NKAIN2: variants seen among roughly 807,000 people sequenced by gnomAD.
NKAIN2 encodes sodium/potassium-transporting ATPase subunit beta-1-interacting protein 2.
NKAIN2 carries 14 observed loss-of-function variants against 32.6 expected under a neutral mutation model. That is an observed-to-expected ratio of 0.43 (90% CI 0.28 to 0.67). NKAIN2 has a LOEUF of 0.67. NKAIN2 is among the 30% of genes least tolerant of loss of function. NKAIN2 has a pLI of 0.17. For missense variants in NKAIN2, 198 were observed against 258.3 expected (o/e 0.77, Z 1.60); for synonymous variants, 80 against 87.2 (o/e 0.92, Z 0.46).
chr6:124,321,468 T>C (rs1797189184), intron 2 of NKAIN2, among the ~76,000 whole-genome samples: 1 of 152,132 alleles, frequency 6.6e-6, no homozygotes, highest in Admixed American at 6.6e-5. Context: ...TAAAGTATAA[T>C]AAAAATTAAA....
chr6:124,602,910 G>A (rs1024137358), intron 3 of NKAIN2, among the ~76,000 whole-genome samples: 1 of 151,788 alleles, frequency 6.6e-6, no homozygotes, highest in African/African-American at 2.4e-5. Context: ...GAAGATATTT[G>A]ATCTAAAACC....
At chr6:123,935,413 T>C (rs1347356866) in intron 1 of NKAIN2, among the ~76,000 whole-genome samples, 1 of 151,640 alleles carries the variant, frequency 6.6e-6, no homozygotes, top group Non-Finnish European at 1.5e-5. Context: ...TGTGCATGCA[T>C]GTGATATTCT....
At chr6:124,150,112 TC>T (rs35595763) in intron 1 of NKAIN2, among the ~76,000 whole-genome samples, 1 of 152,018 alleles carries the variant, frequency 6.6e-6, no homozygotes, top group Non-Finnish European at 1.5e-5. Context: ...TCAGCTATTC[TC>T]CCCCCTGGGC....
chr6:124,443,461 A>G (rs1775772850), intron 3 of NKAIN2, among the ~76,000 whole-genome samples: 1 of 152,136 alleles, frequency 6.6e-6, no homozygotes, highest in African/African-American at 2.4e-5. Flanking sequence ...AATCTGCTCT[A>G]GCAAAGATGC....
intron 1 of NKAIN2, among the ~76,000 whole-genome samples, chr6:124,243,808 A>T (rs1380957717): frequency 6.6e-6 from 1 of 152,152 alleles, no homozygotes; most frequent in Non-Finnish European, 1.5e-5. Flanking sequence ...TATCTATAGT[A>T]GATGTTGTCC....
At chr6:124,403,016 A>T (rs908238008) in intron 3 of NKAIN2, among the ~76,000 whole-genome samples, 1 of 152,180 alleles carries the variant, frequency 6.6e-6, no homozygotes, top group Non-Finnish European at 1.5e-5. Flanking sequence ...ATTGTCTATA[A>T]GTTATAGAAT....
chr6:124,572,527 T>C (rs553218393), intron 3 of NKAIN2, among the ~76,000 whole-genome samples: 1 of 152,344 alleles, frequency 6.6e-6, no homozygotes, highest in Non-Finnish European at 1.5e-5. Context: ...CAGCAAATAC[T>C]GATTTCTTTT....
At chr6:124,706,842 TA>T (rs1296778543) in intron 4 of NKAIN2, among the ~76,000 whole-genome samples, 8 of 151,766 alleles carry the variant, frequency 5.3e-5, no homozygotes, top group South Asian at 4.1e-4. Flanking sequence ...TAGTTGGTTT[TA>T]TTTTTTTTTT....
chr6:124,088,841 T>G (rs1194248086), intron 1 of NKAIN2, among the ~76,000 whole-genome samples: 1 of 152,062 alleles, frequency 6.6e-6, no homozygotes, highest in African/African-American at 2.4e-5. Flanking sequence ...TATTATACAC[T>G]TAGGTTTACA....
intron 4 of NKAIN2, among the ~76,000 whole-genome samples, chr6:124,786,668 A>T (rs1779519095): frequency 6.6e-6 from 1 of 152,008 alleles, no homozygotes; most frequent in Non-Finnish European, 1.5e-5. Context: ...CATTAGATAC[A>T]TGAAGGTGAA....
chr6:124,476,093 T>C (rs867424304), intron 3 of NKAIN2, among the ~76,000 whole-genome samples: 12 of 134,852 alleles, frequency 8.9e-5, no homozygotes, highest in African/African-American at 2.7e-4. Context: ...TGTGTGTGTG[T>C]GTGTGCGTGC....
chr6:124,553,652 A>C (rs572943111), intron 3 of NKAIN2, among the ~76,000 whole-genome samples: 1 of 152,312 alleles, frequency 6.6e-6, no homozygotes, highest in East Asian at 1.9e-4. Flanking sequence ...TCTTCACAGA[A>C]ACCCGAGGAA....
intron 1 of NKAIN2, among the ~76,000 whole-genome samples, chr6:123,808,140 T>A (rs946827660): frequency 1.3e-5 from 2 of 152,306 alleles, no homozygotes; most frequent in East Asian, 3.9e-4. Flanking sequence ...AATAAAGCGT[T>A]GCTGTGAAGT....
intron 1 of NKAIN2, among the ~76,000 whole-genome samples, chr6:124,024,227 A>C (rs1180146350): frequency 6.6e-6 from 1 of 152,174 alleles, no homozygotes; most frequent in Non-Finnish European, 1.5e-5. Context: ...CCCCTGATCC[A>C]GGAAATGATG....
In NKAIN2 at chr6:124,636,730, C is replaced by T. The variant is rs151304079; in HGVS notation, c.274-21456C>T. On this transcript the variant is annotated intron_variant, in intron 3 of 6. Coordinates refer to ENST00000368417, the MANE Select transcript of NKAIN2 (RefSeq NM_001040214.3). ...GAAAGAAATAGAAAACCTAAACAGA[C>T]CCATAAAAAGTAATACGATTGATCA... Among the ~76,000 whole-genome samples, 548 of 152,004 alleles carry T rather than the reference C, an allele frequency of 3.6e-3. 3 individuals are homozygous for T. Among genetic ancestry groups the T allele is most frequent in the African/African-American group, 0.013 (525 of 41,512 alleles).
chr6:124,440,981 T>C (rs919154428), intron 3 of NKAIN2, among the ~76,000 whole-genome samples: 1 of 152,106 alleles, frequency 6.6e-6, no homozygotes, highest in Non-Finnish European at 1.5e-5. Context: ...CAGTGCCATA[T>C]ACTAGTAATT....
chr6:124,516,289 G>A (rs573983716), intron 3 of NKAIN2, among the ~76,000 whole-genome samples: 7 of 152,178 alleles, frequency 4.6e-5, no homozygotes, highest in African/African-American at 1.2e-4. Flanking sequence ...CATTTCCATC[G>A]AAACTTGAAA....
chr6:124,468,262 T>C (rs970417218), intron 3 of NKAIN2, among the ~76,000 whole-genome samples: 9 of 152,172 alleles, frequency 5.9e-5, no homozygotes, highest in African/African-American at 1.9e-4. Flanking sequence ...TACACTTATA[T>C]TGGAGGCAAT....
At chr6:123,835,155 T>A (rs946583893) in intron 1 of NKAIN2, among the ~76,000 whole-genome samples, 1 of 152,218 alleles carries the variant, frequency 6.6e-6, no homozygotes, top group Non-Finnish European at 1.5e-5. Flanking sequence ...TACTTAAATT[T>A]AGTAACCATT....
Sources: allele counts gnomAD v4.1 joint callset (sites outside exome capture counted in the v4.1 genomes callset), GRCh38; gene constraint gnomAD v4.1.1; transcripts MANE v1.5; gene names NCBI Gene and HGNC (gene_info 2026-07-23, HGNC 2026-07-21).